The following ONECUT1 variants were observed in gnomAD, a reference collection of about 807,000 sequenced individuals.
ONECUT1 encodes the protein hepatocyte nuclear factor 6.
In ONECUT1, 12 loss-of-function variants were observed where a neutral mutation model predicts 25.6. The ratio of observed to expected loss-of-function variants is 0.47; its 90% CI spans 0.30 to 0.76. The LOEUF (loss-of-function observed/expected upper bound fraction) is 0.76. Among genes scored for constraint, ONECUT1 ranks in the 30% least tolerant of loss-of-function variants. ONECUT1 has a pLI of 0.07. For missense variants in ONECUT1, 620 were observed against 651.2 expected, an observed-to-expected ratio of 0.95 and a Z score of 0.52; for synonymous variants, 285 against 270.2, an observed-to-expected ratio of 1.05 and a Z score of -0.54.
chr15:52,776,472 A>C (rs2083801588), intron 1 of ONECUT1, among the ~76,000 whole-genome samples: 1 of 152,190 alleles, frequency 6.6e-6, no homozygotes, highest in Non-Finnish European at 1.5e-5. Flanking sequence ...TCAGACCCTC[A>C]GAATCTATTG....
intron 1 of ONECUT1, among the ~76,000 whole-genome samples, chr15:52,783,892 T>C (rs2083857138): frequency 6.6e-6 from 1 of 152,224 alleles, no homozygotes; most frequent in South Asian, 2.1e-4. Context: ...CACCCAGGCA[T>C]TGTTAGGTAC....
Position 52,790,147 on chromosome 15 carries a change from A to C in ONECUT1, c.-263T>G. 2.4e-6 allele frequency: 1 copy of C among 415,172 alleles called. No homozygotes were observed. The highest frequency in any genetic ancestry group is 3.9e-6 in the Non-Finnish European group (1 of 258,152). The allele number at this position is 415,172 out of a possible 1,614,324, so 25.7% of individuals were successfully genotyped here. A position where few individuals can be genotyped will look rare whatever the true frequency, so the allele number is the denominator to read the frequency against. ...CGTCCTCGGCTTTTTTTTTTTTAAT[A>C]TTAATTTCCAAAGAGGATCCGCGCC... On this transcript the variant is annotated 5_prime_UTR_variant, in exon 1 of 2. Coordinates refer to ENST00000305901, the MANE Select transcript of ONECUT1 (RefSeq NM_004498.4).
intron 1 of ONECUT1, chr15:52,780,627 ACTCG>A: frequency 6.5e-7 from 1 of 1,535,432 alleles, no homozygotes; most frequent in Non-Finnish European, 8.7e-7. Flanking sequence ...CTCCATCAAT[ACTCG>A]AATCGCTTTA....
At chr15:52,759,861 G>C (rs2083695770) in intron 1 of ONECUT1, among the ~76,000 whole-genome samples, 1 of 151,626 alleles carries the variant, frequency 6.6e-6, no homozygotes, top group Non-Finnish European at 1.5e-5. Flanking sequence ...TGCCCACCTT[G>C]GCCTCCCATT....
At chr15:52,764,370 G>C (rs1384486833) in intron 1 of ONECUT1, among the ~76,000 whole-genome samples, 1 of 152,196 alleles carries the variant, frequency 6.6e-6, no homozygotes, top group East Asian at 1.9e-4. Flanking sequence ...ATTCAAACCA[G>C]AGCAAATATA....
At position 52,767,423 on chromosome 15, in the gene ONECUT1, C is replaced by T. The variant is rs185989611; in HGVS notation, c.1106-9576G>A. On this transcript the variant is annotated intron_variant, in intron 1 of 1. Transcript: ENST00000305901. ...AACTAGAATGGTAGCTGAGAATTCT[C>T]GTTGAAAGAATGCATTTCGTACCCA... Among the ~76,000 whole-genome samples the T allele has an allele frequency of 1.1e-4, 16 of 152,296 alleles. No individual in the cohort carries two copies. In the East Asian group the frequency reaches 2.1e-3, roughly 20 times the overall value.
At chr15:52,774,500 A>G (rs995506569) in intron 1 of ONECUT1, among the ~76,000 whole-genome samples, 6 of 152,234 alleles carry the variant, frequency 3.9e-5, no homozygotes, top group African/African-American at 1.4e-4. Flanking sequence ...GGGTTTCACC[A>G]TGTTGCTTAG....
intron 1 of ONECUT1, chr15:52,787,618 G>A (rs1566995176): frequency 6.6e-6 from 1 of 150,694 alleles, no homozygotes. Flanking sequence ...GGGCTGAGAT[G>A]GAGGTGGAGG....
Position 52,772,474 on chromosome 15 carries a change from T to C in ONECUT1, c.1106-14627A>G, listed in dbSNP as rs1477062944. Among the ~76,000 whole-genome samples, 3 of 151,848 alleles carry C rather than the reference T, an allele frequency of 2.0e-5. No homozygotes were observed. In the East Asian group the frequency reaches 5.8e-4, roughly 29 times the overall value. On this transcript the variant is annotated intron_variant, in intron 1 of 1. Coordinates refer to ENST00000305901, the MANE Select transcript of ONECUT1 (RefSeq NM_004498.4). ...GGCAGAGGGTTTTGTTCTGTGATTA[T>C]GATGAAAGAGGAAGTTGGGTGAGAA...
chr15:52,779,851 C>G (rs553928132), intron 1 of ONECUT1, among the ~76,000 whole-genome samples: 1 of 152,176 alleles, frequency 6.6e-6, no homozygotes, highest in Non-Finnish European at 1.5e-5. Context: ...AGGTACTTAG[C>G]GCTCTCCAGA....
At chr15:52,774,457 T>C in intron 1 of ONECUT1, among the ~76,000 whole-genome samples, 1 of 152,062 alleles carries the variant, frequency 6.6e-6, no homozygotes, top group East Asian at 1.9e-4. Flanking sequence ...AGCGCCACCA[T>C]GCCCAGCTAA....
At chr15:52,770,904 A>G (rs1219018220) in intron 1 of ONECUT1, among the ~76,000 whole-genome samples, 4 of 152,180 alleles carry the variant, frequency 2.6e-5, no homozygotes, top group African/African-American at 4.8e-5. Context: ...TTTTTGTCTG[A>G]GCTTGGCAAA....
rs2083671944 is a variant in ONECUT1 at position 52,755,936 on chromosome 15, G to T, written c.*1619C>A. 6.6e-6 allele frequency among the ~76,000 whole-genome samples: 1 copy of T among 152,042 alleles called. No homozygotes were observed. The highest frequency in any genetic ancestry group is 6.6e-5 in the Admixed American group (1 of 15,258). ...TCTGGTTAAGTGATTTGGACAAATA[G>T]AAATTTAAAATTTTGTATTTGTAAG... On this transcript the variant is annotated 3_prime_UTR_variant, in exon 2 of 2. Coordinates refer to ENST00000305901, the MANE Select transcript of ONECUT1 (RefSeq NM_004498.4).
intron 1 of ONECUT1, among the ~76,000 whole-genome samples, chr15:52,768,845 C>G (rs28539966): frequency 0.019 from 2,921 of 152,216 alleles, 97 homozygotes; most frequent in African/African-American, 0.067. Flanking sequence ...ATGCATGATA[C>G]AATTAGTTTC....
chr15:52,780,072 C>T (rs1486135892), intron 1 of ONECUT1, among the ~76,000 whole-genome samples: 1 of 152,144 alleles, frequency 6.6e-6, no homozygotes, highest in Admixed American at 6.5e-5. Context: ...CTATCCCTTC[C>T]CATCTGCCTG....
At chr15:52,774,655 A>G (rs1056350579) in intron 1 of ONECUT1, among the ~76,000 whole-genome samples, 6 of 152,234 alleles carry the variant, frequency 3.9e-5, no homozygotes, top group Admixed American at 2.6e-4. Context: ...GAAATAAGAT[A>G]CAAGGTGCTT....
rs2083888469 is a variant in ONECUT1 at position 52,788,058 on chromosome 15, G to T, written c.1105+722C>A. On this transcript the variant is annotated intron_variant, in intron 1 of 1. Coordinates refer to ENST00000305901, the MANE Select transcript of ONECUT1 (RefSeq NM_004498.4). The surrounding 1 kb of genome is among the most constrained non-coding windows in gnomAD (Gnocchi z 4.3). ...AAAATGCAAAGTCCTCAGGGAGTCG[G>T]CAGCGGAGTCGGTCCCAGGACATGG... 1 of 152,248 alleles carries T rather than the reference G, an allele frequency of 6.6e-6. No individual in the cohort carries two copies. The highest frequency in any genetic ancestry group is 2.1e-4 in the South Asian group (1 of 4,830). 9.4% of individuals were successfully genotyped at this position (152,248 alleles called of 1,614,324 possible). A position where few individuals can be genotyped will look rare whatever the true frequency, so the allele number is the denominator to read the frequency against.
In ONECUT1 at chr15:52,777,731, C is replaced by CAAAAAAAAAAAAAAAAAA. The variant is rs1370694948; in HGVS notation, c.1105+11048_1105+11049insTTTTTTTTTTTTTTTTTT. 1.8e-4 allele frequency among the ~76,000 whole-genome samples: 15 copies of CAAAAAAAAAAAAAAAAAA among 84,198 alleles called. 1 individual carries two copies. Among genetic ancestry groups the CAAAAAAAAAAAAAAAAAA allele is most frequent in the African/African-American group, 1.1e-3 (13 of 12,290 alleles). 55.2% of individuals were successfully genotyped at this position (84,198 alleles called of 152,430 possible). A position where few individuals can be genotyped will look rare whatever the true frequency, so the allele number is the denominator to read the frequency against. On this transcript the variant is annotated intron_variant, in intron 1 of 1. Coordinates refer to ENST00000305901, the MANE Select transcript of ONECUT1 (RefSeq NM_004498.4). ...ACACACACACACACACACACACACACACACACAAAAAAACATGTAAAGTTA... is the reference window on the plus strand; with the variant it reads ...ACACACACACACACACACACACACACAAAAAAAAAAAAAAAAAAACACACAAAAAAACATGTAAAGTTA...
In ONECUT1 at chr15:52,789,995, C is replaced by A; in HGVS notation, c.-111G>T. 1 of 1,394,178 alleles carries A rather than the reference C, an allele frequency of 7.2e-7. No homozygotes were observed. The highest frequency in any genetic ancestry group is 9.3e-7 in the Non-Finnish European group (1 of 1,078,672). The allele number at this position is 1,394,178 out of a possible 1,614,324, so 86.4% of individuals were successfully genotyped here. On this transcript the variant is annotated 5_prime_UTR_variant, in exon 1 of 2. The change creates a new upstream start codon in the 5' untranslated region. Coordinates refer to ENST00000305901, the MANE Select transcript of ONECUT1 (RefSeq NM_004498.4). The surrounding 1 kb of genome is among the most constrained non-coding windows in gnomAD (Gnocchi z 4.1). Reference sequence around the variant, plus strand: ...TCGGCTGCTGGCGACTGTTGCCTTCCTTCCTCTCACTGTGGGGCTCTGTCT... The same window carrying A: ...TCGGCTGCTGGCGACTGTTGCCTTCATTCCTCTCACTGTGGGGCTCTGTCT...
Sources: gnomAD v4.1 joint callset for allele counts (sites outside exome capture counted in the v4.1 genomes callset) on GRCh38, gnomAD v4.1.1 for gene constraint, Gnocchi (gnomAD v3.1) non-coding constraint, MANE v1.5 for transcripts, NCBI Gene and HGNC (gene_info 2026-07-23, HGNC 2026-07-21) for gene names.